LRP1: variants seen among roughly 807,000 people sequenced by gnomAD.
The protein encoded by LRP1 is prolow-density lipoprotein receptor-related protein 1.
In LRP1, 51 loss-of-function variants were observed where a neutral mutation model predicts 541.5. The ratio of observed to expected loss-of-function variants is 0.09; its 90% CI spans 0.08 to 0.12. The LOEUF is 0.12. Among genes scored for constraint, LRP1 ranks in the 10% least tolerant of loss-of-function variants. LRP1 has a pLI of 1.00. For synonymous variants in LRP1, 2,219 were observed against 2,470.8 expected (o/e 0.90, Z 3.02); for missense variants, 3,878 against 6,376.2 (o/e 0.61, Z 13.34).
At chr12:57,157,663 G>A (rs2035647751) in intron 10 of LRP1, among the ~76,000 whole-genome samples, 1 of 152,184 alleles carries the variant, frequency 6.6e-6, no homozygotes, top group Non-Finnish European at 1.5e-5. Context: ...TTAATGAGGA[G>A]AGCAAGGGCC....
At position 57,128,995 on chromosome 12, in the gene LRP1, C is replaced by T; in HGVS notation, c.31C>T (p.Pro11Ser). Residue 11 changes from proline to serine, a missense_variant, in exon 1 of 89, where the codon CCC becomes TCC. Around this residue, in one of 13 missense-constraint regions of LRP1, gnomAD observed 293 missense variants for 403.7 expected, o/e 0.73. Coordinates refer to ENST00000243077, the MANE Select transcript of LRP1 (RefSeq NM_002332.3). Reference protein sequence around the residue: MLTPPLLLLLPLLSALVAAAI... With the variant: MLTPPLLLLLSLLSALVAAAI... ...GACCCCGCCGTTGCTCCTGCTGCTG[C>T]CCCTGCTCTCAGCTCTGGTCGCGGC... 1.3e-6 allele frequency: 2 copies of T among 1,551,408 alleles called. No homozygotes were observed. The highest frequency in any genetic ancestry group is 1.7e-6 in the Non-Finnish European group (2 of 1,146,762).
chr12:57,166,259 AG>A, intron 17 of LRP1, 50 bp downstream of exon 17: 1 of 1,539,040 alleles, frequency 6.5e-7, no homozygotes. Context: ...TCAAGGAGGC[AG>A]GGGAGACGAG....
In LRP1 at chr12:57,178,455, G is replaced by A; in HGVS notation, c.4458G>A (p.Leu1486=). Residue 1486 remains leucine, a synonymous_variant, in exon 27 of 89, where the codon CTG becomes CTA. Coordinates refer to ENST00000243077, the MANE Select transcript of LRP1 (RefSeq NM_002332.3). This position sits in a 1 kb window ranked among gnomAD's most constrained non-coding sequence, Gnocchi z 5.8. The part of the protein sequence containing the change: ...EFLSHPFAVT[L]YGGEVYWTDW... ...TGTCGCACCCGTTTGCAGTGACGCTGTACGGGGGGGAGGTCTACTGGACTG... is the reference window on the plus strand; with the variant it reads ...TGTCGCACCCGTTTGCAGTGACGCTATACGGGGGGGAGGTCTACTGGACTG... 1.2e-6 allele frequency: 2 copies of A among 1,614,232 alleles called. No individual in the cohort carries two copies. The highest frequency in any genetic ancestry group is 1.7e-6 in the Non-Finnish European group (2 of 1,180,028).
At chr12:57,187,216 A>G in intron 41 of LRP1, 51 bp from the exon 42 acceptor site, 3 of 1,566,138 alleles carry the variant, frequency 1.9e-6, no homozygotes, top group Non-Finnish European at 2.6e-6. Flanking sequence ...GCTCCTGTGC[A>G]GGCTGCCCTC....
chr12:57,171,567 C>T (rs148615411), intron 20 of LRP1, among the ~76,000 whole-genome samples: 1 of 152,212 alleles, frequency 6.6e-6, no homozygotes, highest in African/African-American at 2.4e-5. Flanking sequence ...ATTTGGGAGG[C>T]ACTGGGAACC....
intron 3 of LRP1, among the ~76,000 whole-genome samples, chr12:57,143,038 G>T (rs1051143231): frequency 6.6e-6 from 1 of 152,116 alleles, no homozygotes; most frequent in Non-Finnish European, 1.5e-5. Flanking sequence ...GGGGGCAACT[G>T]CTCTCCCACC....
chr12:57,136,054 C>A (rs1373824421), intron 1 of LRP1, among the ~76,000 whole-genome samples: 2 of 152,240 alleles, frequency 1.3e-5, no homozygotes, highest in Non-Finnish European at 2.9e-5. Context: ...TCCAGCCCCC[C>A]TCTTCCCCCT....
In LRP1 at chr12:57,189,928, C is replaced by T. The variant is rs193234197; in HGVS notation, c.7032-877C>T. Reference sequence around the variant, plus strand: ...CAATGCCGGTGGTCCAAGGACCACTCTGTCACACCCAGGGTAGTGCATGAC... The same window carrying T: ...CAATGCCGGTGGTCCAAGGACCACTTTGTCACACCCAGGGTAGTGCATGAC... On this transcript the variant is annotated intron_variant, in intron 42 of 88. Transcript: ENST00000243077. The surrounding 1 kb of genome is among the most constrained non-coding windows in gnomAD (Gnocchi z 4.4). 8.2e-4 allele frequency among the ~76,000 whole-genome samples: 125 copies of T among 152,202 alleles called. No individual in the cohort carries two copies. The highest frequency in any genetic ancestry group is 1.1e-3 in the Non-Finnish European group (77 of 67,996).
chr12:57,201,346 A>G lies in LRP1; in HGVS notation c.10346-151A>G. 1 of 1,384,852 alleles carries G rather than the reference A, an allele frequency of 7.2e-7. No homozygotes were observed. The highest frequency in any genetic ancestry group is 9.8e-7 in the Non-Finnish European group (1 of 1,022,672). The allele number at this position is 1,384,852 out of a possible 1,614,324, so 85.8% of individuals were successfully genotyped here. A position where few individuals can be genotyped will look rare whatever the true frequency, so the allele number is the denominator to read the frequency against. On this transcript the variant is annotated intron_variant, in intron 65 of 88. Coordinates refer to ENST00000243077, the MANE Select transcript of LRP1 (RefSeq NM_002332.3). The surrounding 1 kb of genome is among the most constrained non-coding windows in gnomAD (Gnocchi z 6.4). ...TAGAGACATAGAGATCCAGAAAACA[A>G]AAAGCACCAAAACTGGGGATAAACT...
chr12:57,204,421 C>A lies in LRP1; in HGVS notation c.10963C>A (p.Pro3655Thr). 6.5e-7 allele frequency: 1 copy of A among 1,546,754 alleles called. No individual in the cohort carries two copies. The highest frequency in any genetic ancestry group is 8.7e-7 in the Non-Finnish European group (1 of 1,144,206). ...CCCCCTGGCACCAGTGCGGACCTGCCCCCTGGACGAGTTCCAGTGCAACAA... is the reference window on the plus strand; with the variant it reads ...CCCCCTGGCACCAGTGCGGACCTGCACCCTGGACGAGTTCCAGTGCAACAA... ...EACGTGVRTC[P>T]LDEFQCNNTL... Residue 3655 changes from proline (P) to threonine (T), a missense_variant, in exon 71 of 89, where the codon CCC becomes ACC. Pro to Thr is a conservative substitution (Grantham distance 38). Coordinates refer to ENST00000243077, the MANE Select transcript of LRP1 (RefSeq NM_002332.3). This position sits in a 1 kb window ranked among gnomAD's most constrained non-coding sequence, Gnocchi z 5.3.
At chr12:57,167,074 G>C (rs369343786) in intron 18 of LRP1, 28 bp downstream of exon 18, 5 of 1,592,420 alleles carry the variant, frequency 3.1e-6, no homozygotes, top group East Asian at 2.2e-5. Context: ...AGGGAGTCAG[G>C]CTGGGCCTGG....
Position 57,199,907 on chromosome 12 carries a change from G to A in LRP1, c.9896G>A (p.Gly3299Asp). 1.9e-6 allele frequency: 3 copies of A among 1,595,464 alleles called. No homozygotes were observed. The highest frequency in any genetic ancestry group is 2.6e-6 in the Non-Finnish European group (3 of 1,173,232). The change falls in exon 62 of 89, where the codon GGT becomes GAT. Residue 3299 changes from glycine (G) to aspartate (D), a missense_variant. Gly to Asp is a moderately conservative substitution (Grantham distance 94, BLOSUM62 -1). Transcript: ENST00000243077. ...AATCACCCCTGCAAGGTCAACAATG[G>A]TGGCTGCAGCAACCTGTGCCTGCTG... ...VPNHPCKVNN[G>D]GCSNLCLLSP... is the part of the protein sequence containing the mutation.
intron 2 of LRP1, 50 bp from the exon 3 acceptor site, chr12:57,141,324 A>C: frequency 6.2e-7 from 1 of 1,610,622 alleles, no homozygotes; most frequent in Non-Finnish European, 8.5e-7. Context: ...AGCTGACCAG[A>C]GAGCCACCAT....
In LRP1 at chr12:57,183,479, C is replaced by T; in HGVS notation, c.5763C>T (p.Thr1921=). The T allele has an allele frequency of 2.5e-6, 4 of 1,614,068 alleles. No homozygotes were observed. The highest frequency in any genetic ancestry group is 2.5e-6 in the Non-Finnish European group (3 of 1,179,940). The change falls in exon 35 of 89, where the codon ACC becomes ACT. Residue 1921 remains threonine (T), a synonymous_variant. Coordinates refer to ENST00000243077, the MANE Select transcript of LRP1 (RefSeq NM_002332.3). The surrounding 1 kb of genome is among the most constrained non-coding windows in gnomAD (Gnocchi z 6.1). The part of the protein sequence containing the change: ...KSDALVPVSG[T]SLAVGIDFHA... ...ATGCCCTGGTCCCAGTGTCCGGGAC[C>T]TCGCTGGCTGTCGGCATCGACTTCC...
intron 10 of LRP1, among the ~76,000 whole-genome samples, chr12:57,157,893 G>A (rs2035653340): frequency 6.6e-6 from 1 of 152,198 alleles, no homozygotes; most frequent in African/African-American, 2.4e-5. Flanking sequence ...TTATATCTGG[G>A]ATAGGAAGCT....
rs910298702 is a variant in LRP1 at position 57,207,192 on chromosome 12, G to A, written c.11859+451G>A. Among the ~76,000 whole-genome samples, 12 of 151,584 alleles carry A rather than the reference G, an allele frequency of 7.9e-5. No individual in the cohort carries two copies. In the South Asian group the frequency reaches 1.7e-3, roughly 21 times the overall value. The stretch of plus-strand genomic sequence containing the variant: ...CGGGAGGCGGAGCTTGCAGTGAGCC[G>A]AGATCGCGCCACTGCACTCCAGCCT... On this transcript the variant is annotated intron_variant, in intron 76 of 88. Transcript: ENST00000243077.
At chr12:57,186,176 C>T (rs565424427) in intron 41 of LRP1, among the ~76,000 whole-genome samples, 2 of 152,318 alleles carry the variant, frequency 1.3e-5, no homozygotes, top group Admixed American at 1.3e-4. Context: ...CTCACAAACC[C>T]AGGCTGCAGA....
rs558980117 is a variant in LRP1 at position 57,192,704 on chromosome 12, A to G, written c.7430-141A>G. 16 of 1,170,592 alleles carry G rather than the reference A, an allele frequency of 1.4e-5. No homozygotes were observed. In the East Asian group the frequency reaches 3.5e-4, roughly 26 times the overall value. 72.5% of individuals were successfully genotyped at this position (1,170,592 alleles called of 1,614,324 possible). On this transcript the variant is annotated intron_variant, in intron 44 of 88. Coordinates refer to ENST00000243077, the MANE Select transcript of LRP1 (RefSeq NM_002332.3). ...CAGCAGCCATCCCCATGCCCTCCCC[A>G]CTGGCTGCAAGCCGCTGTGCCTGCC...
chr12:57,211,738 T>G lies in LRP1; in HGVS notation c.13194-12T>G, dbSNP rs770285345. The G allele has an allele frequency of 3.0e-5, 48 of 1,612,996 alleles. No individual in the cohort carries two copies. Among genetic ancestry groups the G allele is most frequent in the Admixed American group, 2.2e-4 (13 of 59,962 alleles). On this transcript the variant is annotated splice_polypyrimidine_tract_variant and intron_variant, in intron 85 of 88. Coordinates refer to ENST00000243077, the MANE Select transcript of LRP1 (RefSeq NM_002332.3). The surrounding 1 kb of genome is among the most constrained non-coding windows in gnomAD (Gnocchi z 4.3). ...GGTTATACCTACTCAGCCGTGTCCCTCCTTTCTGCAGGTGCCCACCCCACA... is the reference window on the plus strand; with the variant it reads ...GGTTATACCTACTCAGCCGTGTCCCGCCTTTCTGCAGGTGCCCACCCCACA...
Sources: gnomAD v4.1 joint callset for allele counts (sites outside exome capture counted in the v4.1 genomes callset) on GRCh38, gnomAD v4.1.1 for gene constraint, gnomAD v4.1.1 regional missense constraint, Gnocchi (gnomAD v3.1) non-coding constraint, MANE v1.5 for transcripts, NCBI Gene and HGNC (gene_info 2026-07-23, HGNC 2026-07-21) for gene names.